RIMS1: variants seen among roughly 807,000 people sequenced by gnomAD.
RIMS1 encodes the protein regulating synaptic membrane exocytosis protein 1.
A neutral mutation model predicts 214.1 loss-of-function variants in RIMS1; 83 were observed. The observed-to-expected ratio is 0.39, with a 90% CI of 0.32 to 0.47. RIMS1 has a LOEUF of 0.47. Among genes scored for constraint, RIMS1 ranks in the 20% least tolerant of loss-of-function variants. RIMS1 has a pLI of 0.99. For synonymous variants in RIMS1, 793 were observed against 786.8 expected, an observed-to-expected ratio of 1.01 and a Z score of -0.13; for missense variants, 2,050 against 2,161.8, an observed-to-expected ratio of 0.95 and a Z score of 1.03.
chr6:72,142,848 AT>A (rs1301521226), intron 4 of RIMS1, among the ~76,000 whole-genome samples: 1 of 152,136 alleles, frequency 6.6e-6, no homozygotes, highest in Non-Finnish European at 1.5e-5. Context: ...ACGATAATAC[AT>A]ATGGACTTAG....
At chr6:72,126,108 C>A (rs550300474) in intron 4 of RIMS1, among the ~76,000 whole-genome samples, 1 of 152,126 alleles carries the variant, frequency 6.6e-6, no homozygotes, top group Non-Finnish European at 1.5e-5. Context: ...TGTTCCTATT[C>A]GGCCATCTTG....
chr6:72,125,008 G>A (rs2039213455), intron 4 of RIMS1, among the ~76,000 whole-genome samples: 1 of 152,164 alleles, frequency 6.6e-6, no homozygotes, highest in Admixed American at 6.5e-5. Context: ...TCTCTGTCCA[G>A]CTTTGTTCCA....
At chr6:71,920,745 GA>G (rs1258269288) in intron 1 of RIMS1, among the ~76,000 whole-genome samples, 1 of 152,142 alleles carries the variant, frequency 6.6e-6, no homozygotes, top group Non-Finnish European at 1.5e-5. Context: ...AGCATTAAAT[GA>G]GCCTATTTAC....
At chr6:72,167,686 A>C (rs543874690) in intron 4 of RIMS1, among the ~76,000 whole-genome samples, 2 of 151,964 alleles carry the variant, frequency 1.3e-5, no homozygotes, top group African/African-American at 4.8e-5. Flanking sequence ...GTTTTTGAGA[A>C]ATTTCTCTAT....
At chr6:72,313,430 A>T in intron 27 of RIMS1, 76 bp from the exon 28 acceptor site, 2 of 1,311,396 alleles carry the variant, frequency 1.5e-6, no homozygotes, top group Non-Finnish European at 2.2e-6. Context: ...TGGGCTAAGT[A>T]GTCATTCATC....
chr6:72,123,794 C>A (rs1289910367), intron 4 of RIMS1, among the ~76,000 whole-genome samples: 4 of 151,718 alleles, frequency 2.6e-5, no homozygotes, highest in African/African-American at 9.7e-5. Context: ...AGGATTGCAA[C>A]CCCTGCTTTT....
intron 1 of RIMS1, among the ~76,000 whole-genome samples, chr6:71,890,401 AGTGT>A (rs536390570): frequency 5.5e-5 from 2 of 36,080 alleles, no homozygotes; most frequent in Admixed American, 2.1e-4. Context: ...TTTGGATGTG[AGTGT>A]GTGTGTTCTG....
chr6:72,381,972 G>T (rs996546635), intron 29 of RIMS1, among the ~76,000 whole-genome samples: 2 of 152,142 alleles, frequency 1.3e-5, no homozygotes, highest in African/African-American at 4.8e-5. Context: ...CACTAGGAAA[G>T]ATTTGAAATA....
chr6:72,053,130 C>G (rs1425706505), intron 2 of RIMS1, among the ~76,000 whole-genome samples: 1 of 152,170 alleles, frequency 6.6e-6, no homozygotes, highest in East Asian at 1.9e-4. Context: ...GTCTAACCAA[C>G]CTTGGCATAG....
At chr6:72,344,128 A>G (rs1365957546) in intron 29 of RIMS1, among the ~76,000 whole-genome samples, 1 of 151,936 alleles carries the variant, frequency 6.6e-6, no homozygotes, top group East Asian at 1.9e-4. Flanking sequence ...TTATTACCCA[A>G]AAGTCACACA....
intron 6 of RIMS1, among the ~76,000 whole-genome samples, chr6:72,217,790 G>C (rs1022849160): frequency 6.6e-6 from 1 of 152,180 alleles, no homozygotes; most frequent in African/African-American, 2.4e-5. Context: ...GACTAAAGGG[G>C]AAACTGTTCA....
At chr6:72,110,877 A>G (rs2035938722) in intron 4 of RIMS1, among the ~76,000 whole-genome samples, 1 of 152,210 alleles carries the variant, frequency 6.6e-6, no homozygotes, top group Non-Finnish European at 1.5e-5. Flanking sequence ...GATACATCCC[A>G]TCAATACCTA....
chr6:72,353,393 T>C (rs1261796899), intron 29 of RIMS1, among the ~76,000 whole-genome samples: 1 of 152,210 alleles, frequency 6.6e-6, no homozygotes, highest in Non-Finnish European at 1.5e-5. Context: ...TATCCGAGTT[T>C]CAAAGCCTGT....
intron 1 of RIMS1, among the ~76,000 whole-genome samples, chr6:71,916,760 T>G (rs956912927): frequency 2.6e-5 from 4 of 152,192 alleles, no homozygotes; most frequent in African/African-American, 9.6e-5. Context: ...ACTTGCAGGC[T>G]CACACTGAGC....
rs755294279 is a variant in RIMS1, at chr6:72,266,094, G to A, written c.3398+45G>A. On this transcript the variant is annotated intron_variant, in intron 22 of 33. Coordinates refer to ENST00000521978, the MANE Select transcript of RIMS1 (RefSeq NM_014989.7). Reference sequence around the variant, plus strand: ...TTAATTTCTTATCATTTGTACTAGTGATTTTTTTCAGTCACTTTGTTTTGT... The same window carrying A: ...TTAATTTCTTATCATTTGTACTAGTAATTTTTTTCAGTCACTTTGTTTTGT... 4.4e-6 allele frequency: 6 copies of A among 1,364,388 alleles called. No homozygotes were observed. The South Asian group carries it at 7.5e-5, about 17-fold the overall frequency. The allele number at this position is 1,364,388 out of a possible 1,614,324, so 84.5% of individuals were successfully genotyped here.
intron 6 of RIMS1, chr6:72,217,000 GT>G: frequency 7.1e-7 from 1 of 1,406,722 alleles, no homozygotes. Context: ...TAGTGTCACT[GT>G]TGTATAATGT....
chr6:72,115,646 T>C (rs775598649), intron 4 of RIMS1, among the ~76,000 whole-genome samples: 1 of 151,998 alleles, frequency 6.6e-6, no homozygotes, highest in Non-Finnish European at 1.5e-5. Flanking sequence ...GCTAAAACTT[T>C]GTAACAAATT....
Position 72,025,590 on chromosome 6 carries a change from T to C in RIMS1, c.245+56527T>C, listed in dbSNP as rs116793588. On this transcript the variant is annotated intron_variant, in intron 2 of 33. Coordinates refer to ENST00000521978, the MANE Select transcript of RIMS1 (RefSeq NM_014989.7). Reference sequence around the variant, plus strand: ...CATAGTGCACACAGTTGCACTAATTTTCCAAAATAATATTTTGTCTAGTAG... The same window carrying C: ...CATAGTGCACACAGTTGCACTAATTCTCCAAAATAATATTTTGTCTAGTAG... Among the ~76,000 whole-genome samples the C allele has an allele frequency of 3.0e-3, 459 of 152,348 alleles. 1 individual carries two copies. Among genetic ancestry groups the C allele is most frequent in the African/African-American group, 0.011 (441 of 41,586 alleles).
At chr6:72,367,602 C>T (rs2098079264) in intron 29 of RIMS1, among the ~76,000 whole-genome samples, 1 of 152,044 alleles carries the variant, frequency 6.6e-6, no homozygotes, top group Non-Finnish European at 1.5e-5. Context: ...TTTTCTTATT[C>T]ACTGATACTC....
Sources: gnomAD v4.1 joint callset for allele counts (sites outside exome capture counted in the v4.1 genomes callset) on GRCh38, gnomAD v4.1.1 for gene constraint, MANE v1.5 for transcripts, NCBI Gene and HGNC (gene_info 2026-07-23, HGNC 2026-07-21) for gene names.